The following CPQ variants were observed in gnomAD, a reference collection of about 807,000 sequenced individuals.
The protein encoded by CPQ is carboxypeptidase Q, also known as Ser-Met dipeptidase.
A neutral mutation model predicts 45.7 loss-of-function variants in CPQ; 37 were observed. The observed-to-expected ratio is 0.81, with a 90% confidence interval of 0.62 to 1.07. The LOEUF is 1.07. Ranked by LOEUF, CPQ falls within the 50% of genes least tolerant of loss-of-function variation. CPQ has a pLI of 0.00. For synonymous variants in CPQ, 186 were observed against 205.8 expected (o/e 0.90, Z 0.82); for missense variants, 537 against 572.9 (o/e 0.94, Z 0.64).
At chr8:96,833,733 G>A (rs1811489568) in intron 2 of CPQ, among the ~76,000 whole-genome samples, 1 of 152,128 alleles carries the variant, frequency 6.6e-6, no homozygotes, top group Non-Finnish European at 1.5e-5. Context: ...CAGTGTTGGT[G>A]AAGGCATACC....
At chr8:97,009,927 C>A (rs748946657) in intron 5 of CPQ, among the ~76,000 whole-genome samples, 6 of 152,172 alleles carry the variant, frequency 3.9e-5, no homozygotes, top group Non-Finnish European at 4.4e-5. Context: ...TGCTTTGTAT[C>A]TACCTTTGTA....
chr8:97,072,128 G>A (rs888151384), intron 7 of CPQ, among the ~76,000 whole-genome samples: 1 of 152,104 alleles, frequency 6.6e-6, no homozygotes, highest in Non-Finnish European at 1.5e-5. Flanking sequence ...GCGATAGAGT[G>A]GAATTACCTA....
At chr8:97,051,880 T>A (rs192790362) in intron 6 of CPQ, among the ~76,000 whole-genome samples, 102 of 152,308 alleles carry the variant, frequency 6.7e-4, no homozygotes, top group African/African-American at 2.5e-3. Flanking sequence ...TGTCCACCCC[T>A]CTCTGAGACT....
At chr8:96,877,089 G>C (rs933690346) in intron 3 of CPQ, among the ~76,000 whole-genome samples, 2 of 152,152 alleles carry the variant, frequency 1.3e-5, no homozygotes, top group African/African-American at 4.8e-5. Context: ...GAAGGGGCTT[G>C]TAAATGGGGA....
chr8:97,094,578 TTTTCTG>T (rs957204390), intron 7 of CPQ, among the ~76,000 whole-genome samples: 7 of 152,098 alleles, frequency 4.6e-5, no homozygotes, highest in Non-Finnish European at 1.5e-5. Flanking sequence ...TCATTCTTTA[TTTTCTG>T]TTCCTATAGC....
intron 1 of CPQ, among the ~76,000 whole-genome samples, chr8:96,704,678 A>G (rs577180378): frequency 6.6e-6 from 1 of 152,248 alleles, no homozygotes; most frequent in South Asian, 2.1e-4. Flanking sequence ...AGGGATTAGG[A>G]GGCTATATAG....
At chr8:96,906,799 A>T (rs958489658) in intron 4 of CPQ, among the ~76,000 whole-genome samples, 1 of 151,954 alleles carries the variant, frequency 6.6e-6, no homozygotes, top group African/African-American at 2.4e-5. Flanking sequence ...CCTTCCAAAC[A>T]CCCTGCTTCC....
chr8:97,089,044 G>A (rs1360110678), intron 7 of CPQ, among the ~76,000 whole-genome samples: 1 of 152,076 alleles, frequency 6.6e-6, no homozygotes, highest in East Asian at 1.9e-4. Flanking sequence ...GGGAGTTTGA[G>A]ACGAACCTGA....
rs113891873 is a variant in CPQ at position 97,036,088 on chromosome 8, T to C, written c.1053+6594T>C. Among the ~76,000 whole-genome samples the C allele has an allele frequency of 6.3e-3, 956 of 152,274 alleles. 16 individuals are homozygous for C. Among genetic ancestry groups the C allele is most frequent in the African/African-American group, 0.022 (913 of 41,558 alleles). The stretch of plus-strand genomic sequence containing the variant: ...GCCTTTTTACCCTGCATGAGGTTTG[T>C]GGGGCTGTTCATGGTTGGAGGGACC... On this transcript the variant is annotated intron_variant, in intron 6 of 7. Coordinates refer to ENST00000220763, the MANE Select transcript of CPQ (RefSeq NM_016134.4).
chr8:96,648,344 C>T (rs1192096641), intron 1 of CPQ, among the ~76,000 whole-genome samples: 1 of 152,138 alleles, frequency 6.6e-6, no homozygotes, highest in Admixed American at 6.6e-5. Context: ...ATTACTTGCC[C>T]TGCAGCTAGA....
intron 5 of CPQ, among the ~76,000 whole-genome samples, chr8:97,023,007 T>C (rs540151646): frequency 6.8e-6 from 1 of 146,954 alleles, no homozygotes; most frequent in South Asian, 2.1e-4. Flanking sequence ...AGTATATATA[T>C]ACTATATATA....
At chr8:96,864,697 GT>G (rs1811973987) in intron 3 of CPQ, among the ~76,000 whole-genome samples, 1 of 151,992 alleles carries the variant, frequency 6.6e-6, no homozygotes, top group Non-Finnish European at 1.5e-5. Flanking sequence ...TGTTTGTTGA[GT>G]TTTAAATAAA....
At chr8:96,910,927 A>G (rs1225431177) in intron 4 of CPQ, among the ~76,000 whole-genome samples, 3 of 151,974 alleles carry the variant, frequency 2.0e-5, no homozygotes, top group African/African-American at 7.3e-5. Flanking sequence ...AAGACTTTCC[A>G]TATATGGGCT....
chr8:97,010,298 GA>G (rs1809466341), intron 5 of CPQ, among the ~76,000 whole-genome samples: 1 of 152,144 alleles, frequency 6.6e-6, no homozygotes, highest in Admixed American at 6.5e-5. Flanking sequence ...TGGTCTAGTT[GA>G]AAAGGTATGG....
chr8:96,722,968 A>G (rs1262701264), intron 1 of CPQ, among the ~76,000 whole-genome samples: 1 of 152,170 alleles, frequency 6.6e-6, no homozygotes, highest in Non-Finnish European at 1.5e-5. Flanking sequence ...GAAAGTAAGG[A>G]AAGACATATA....
At chr8:96,852,799 C>T (rs980958619) in intron 3 of CPQ, among the ~76,000 whole-genome samples, 1 of 152,126 alleles carries the variant, frequency 6.6e-6, no homozygotes, top group South Asian at 2.1e-4. Flanking sequence ...TTCCAGGCGG[C>T]CTCTCTGTCT....
At chr8:97,063,700 C>T (rs1810590555) in intron 6 of CPQ, among the ~76,000 whole-genome samples, 1 of 152,014 alleles carries the variant, frequency 6.6e-6, no homozygotes, top group African/African-American at 2.4e-5. Flanking sequence ...TCAGTTATCC[C>T]ATCATCCTTT....
intron 1 of CPQ, among the ~76,000 whole-genome samples, chr8:96,748,716 G>T (rs1022057244): frequency 6.6e-6 from 1 of 152,116 alleles, no homozygotes; most frequent in African/African-American, 2.4e-5. Flanking sequence ...TTAAAATTAA[G>T]AGTATTCCAC....
At chr8:97,059,589 T>C (rs1586519994) in intron 6 of CPQ, among the ~76,000 whole-genome samples, 1 of 152,160 alleles carries the variant, frequency 6.6e-6, no homozygotes, top group East Asian at 1.9e-4. Context: ...CTTTCTACCT[T>C]GCACAGCAGA....
Sources: allele counts gnomAD v4.1 joint callset (sites outside exome capture counted in the v4.1 genomes callset), GRCh38; gene constraint gnomAD v4.1.1; transcripts MANE v1.5; gene names NCBI Gene and HGNC (gene_info 2026-07-23, HGNC 2026-07-21).